Variants in CAPN15 observed in about 807,000 individuals in gnomAD.
CAPN15 encodes the protein calpain-15.
A neutral mutation model predicts 97.9 loss-of-function variants in CAPN15; 53 were observed. The ratio of observed to expected loss-of-function variants is 0.54; its 90% CI spans 0.43 to 0.68. CAPN15 has a LOEUF of 0.68. CAPN15 is among the 30% of genes least tolerant of loss of function. The probability of loss-of-function intolerance (pLI) is 0.00; values close to 1 mark genes in which losing one functional copy is unlikely to be tolerated. For synonymous variants in CAPN15, 922 were observed against 722.5 expected (o/e 1.28, Z -4.43); for missense variants, 1,592 against 1,589.8 (o/e 1.00, Z -0.02).
At chr16:529,280 C>T (rs552183123) in intron 1 of CAPN15, among the ~76,000 whole-genome samples, 3 of 152,292 alleles carry the variant, frequency 2.0e-5, no homozygotes, top group Admixed American at 6.5e-5. Context: ...TGGGCCTCCA[C>T]AGACCGTGGT....
chr16:552,854 T>C lies in CAPN15; in HGVS notation c.2905-9T>C. The C allele has an allele frequency of 6.9e-7, 1 of 1,455,852 alleles. No homozygotes were observed. The highest frequency in any genetic ancestry group is 9.3e-7 in the Non-Finnish European group (1 of 1,079,814). The allele number at this position is 1,455,852 out of a possible 1,614,324, so 90.2% of individuals were successfully genotyped here. On this transcript the variant is annotated splice_polypyrimidine_tract_variant and intron_variant, in intron 12 of 13. Coordinates refer to ENST00000219611, the MANE Select transcript of CAPN15 (RefSeq NM_005632.3). The surrounding 1 kb of genome is among the most constrained non-coding windows in gnomAD (Gnocchi z 6.4). ...TCCCCTGCCCCACAACTGCCATTCC[T>C]GTGCCCAGGGCCGTGAGGGCATGAC...
intron 3 of CAPN15, among the ~76,000 whole-genome samples, chr16:541,644 G>A (rs1346929949): frequency 1.3e-5 from 2 of 152,254 alleles, no homozygotes; most frequent in East Asian, 1.9e-4. Context: ...AAAGAGTGCA[G>A]TTTGGTCACT....
intron 7 of CAPN15, among the ~76,000 whole-genome samples, 180 bp downstream of exon 7, chr16:550,018 G>A (rs2034877663): frequency 6.6e-6 from 1 of 152,240 alleles, no homozygotes; most frequent in Non-Finnish European, 1.5e-5. Flanking sequence ...GGGCGGGGCT[G>A]GAGCTGGCCT....
chr16:544,228 C>A (rs904948952), intron 3 of CAPN15, among the ~76,000 whole-genome samples: 3 of 152,246 alleles, frequency 2.0e-5, no homozygotes, highest in Non-Finnish European at 2.9e-5. Context: ...CCATGGTATC[C>A]CCCGCCCTGG....
At position 548,002 on chromosome 16, in the gene CAPN15, G is replaced by T; in HGVS notation, c.1164G>T (p.Lys388Asn). ...ACTGCCCCGACTGTGGGGCCGACAA[G>T]CCCAGCCCCTGCGGCAGAAGCTGCG... The part of the protein sequence containing the change: ...PTHCPDCGAD[K>N]PSPCGRSCGR... The change falls in exon 4 of 14, where the codon AAG (lysine) becomes AAT (asparagine). Residue 388 changes from lysine (K) to asparagine (N), a missense_variant. Physicochemically the swap from Lys to Asn is moderately conservative, Grantham distance 94. This residue lies in a region of CAPN15 where 883 missense variants were observed against 776.6 expected (regional missense o/e 1.14). Coordinates refer to ENST00000219611, the MANE Select transcript of CAPN15 (RefSeq NM_005632.3). 1 of 1,579,350 alleles carries T rather than the reference G, an allele frequency of 6.3e-7. No individual in the cohort carries two copies. The highest frequency in any genetic ancestry group is 8.6e-7 in the Non-Finnish European group (1 of 1,164,712).
intron 7 of CAPN15, among the ~76,000 whole-genome samples, chr16:550,443 C>G (rs952831014): frequency 6.6e-5 from 10 of 152,252 alleles, no homozygotes; most frequent in Non-Finnish European, 1.3e-4. Flanking sequence ...TCCAGACCCT[C>G]CTGAACACTT....
rs1385776759 is a variant in CAPN15 at position 547,235 on chromosome 16, G to C, written c.397G>C (p.Glu133Gln). The C allele has an allele frequency of 1.3e-6, 2 of 1,518,916 alleles. No individual in the cohort carries two copies. The highest frequency in any genetic ancestry group is 4.8e-5 in the East Asian group (2 of 41,690). 94.1% of individuals were successfully genotyped at this position (1,518,916 alleles called of 1,614,324 possible). A position where few individuals can be genotyped will look rare whatever the true frequency, so the allele number is the denominator to read the frequency against. ...CEDKDEEEKE[E>Q]QEEEEGAAEP... ...GGACAAGGACGAGGAGGAGAAGGAGGAGCAGGAGGAGGAGGAGGGAGCGGC... is the reference window on the plus strand; with the variant it reads ...GGACAAGGACGAGGAGGAGAAGGAGCAGCAGGAGGAGGAGGAGGGAGCGGC... The change falls in exon 4 of 14, where the codon GAG (glutamate) becomes CAG (glutamine). Residue 133 changes from glutamate to glutamine, a missense_variant. Glu to Gln is a conservative substitution (Grantham distance 29). Transcript: ENST00000219611.
chr16:541,466 G>A (rs1260064677), intron 3 of CAPN15, among the ~76,000 whole-genome samples: 2 of 152,242 alleles, frequency 1.3e-5, no homozygotes, highest in African/African-American at 4.8e-5. Context: ...GAGGGGCCGT[G>A]TGGGGCCTGG....
intron 8 of CAPN15, 37 bp downstream of exon 8, chr16:551,464 G>A: frequency 6.2e-7 from 1 of 1,600,346 alleles, no homozygotes; most frequent in South Asian, 1.1e-5. Flanking sequence ...TGGGGTGCCG[G>A]TGAGACTCGG....
At position 535,817 on chromosome 16, in the gene CAPN15, G is replaced by T. The variant is rs1310193218; in HGVS notation, c.-136-212G>T. Reference sequence around the variant, plus strand: ...ACAGCCTGGCCCACAGCAGAGGCCCGGGGGGCACATGCAGCTCACGGGAGC... The same window carrying T: ...ACAGCCTGGCCCACAGCAGAGGCCCTGGGGGCACATGCAGCTCACGGGAGC... On this transcript the variant is annotated intron_variant, in intron 2 of 13. Coordinates refer to ENST00000219611, the MANE Select transcript of CAPN15 (RefSeq NM_005632.3). The surrounding 1 kb of genome is among the most constrained non-coding windows in gnomAD (Gnocchi z 6.2). Among the ~76,000 whole-genome samples the T allele has an allele frequency of 6.6e-6, 1 of 152,008 alleles. No individual in the cohort carries two copies. Among genetic ancestry groups the T allele is most frequent in the Non-Finnish European group, 1.5e-5 (1 of 67,960 alleles).
Position 547,215 on chromosome 16 carries a change from A to G in CAPN15, c.377A>G (p.Lys126Arg). The G allele has an allele frequency of 6.6e-7, 1 of 1,526,268 alleles. No homozygotes were observed. The highest frequency in any genetic ancestry group is 1.2e-5 in the South Asian group (1 of 80,290). 94.5% of individuals were successfully genotyped at this position (1,526,268 alleles called of 1,614,324 possible). ...CCCGCCAGGGGGCAGTGCGAGGACA[A>G]GGACGAGGAGGAGAAGGAGGAGCAG... ...TEPARGQCED[K>R]DEEEKEEQEE... is the part of the protein sequence containing the mutation. Residue 126 changes from lysine to arginine, a missense_variant, in exon 4 of 14, where the codon AAG (lysine) becomes AGG (arginine). Lys to Arg is a conservative substitution (Grantham distance 26, BLOSUM62 2). Around this residue, in one of 3 missense-constraint regions of CAPN15, gnomAD observed 883 missense variants for 776.6 expected, o/e 1.14. Coordinates refer to ENST00000219611, the MANE Select transcript of CAPN15 (RefSeq NM_005632.3).
At position 535,960 on chromosome 16, in the gene CAPN15, C is replaced by G. The variant is rs544940219; in HGVS notation, c.-136-69C>G. On this transcript the variant is annotated intron_variant, in intron 2 of 13. Coordinates refer to ENST00000219611, the MANE Select transcript of CAPN15 (RefSeq NM_005632.3). The surrounding 1 kb of genome is among the most constrained non-coding windows in gnomAD (Gnocchi z 6.2). ...GCGGGGGCCTCACCCTGCTGTCCCT[C>G]GGCCTGGCCTGGGCACACTCCTTGG... 1 of 407,924 alleles carries G rather than the reference C, an allele frequency of 2.5e-6. No individual in the cohort carries two copies. The highest frequency in any genetic ancestry group is 6.5e-5 in the Admixed American group (1 of 15,322). 25.3% of individuals were successfully genotyped at this position (407,924 alleles called of 1,614,324 possible). A position where few individuals can be genotyped will look rare whatever the true frequency, so the allele number is the denominator to read the frequency against.
rs1444253895 is a variant in CAPN15, at chr16:535,907, G to C, written c.-136-122G>C. ...GCAGCGGCCCAGGGCATGTCCCTGG[G>C]GTCAGGGGTCAGAGTTCGGCATGCT... On this transcript the variant is annotated intron_variant, in intron 2 of 13. Coordinates refer to ENST00000219611, the MANE Select transcript of CAPN15 (RefSeq NM_005632.3). This position sits in a 1 kb window ranked among gnomAD's most constrained non-coding sequence, Gnocchi z 6.2. The C allele has an allele frequency of 5.9e-6, 1 of 169,800 alleles. No individual in the cohort carries two copies. Among genetic ancestry groups the C allele is most frequent in the East Asian group, 1.9e-4 (1 of 5,262 alleles). The allele number at this position is 169,800 out of a possible 1,614,324, so 10.5% of individuals were successfully genotyped here.
At chr16:537,595 C>A in intron 3 of CAPN15, 1 of 272,056 alleles carries the variant, frequency 3.7e-6, no homozygotes, top group Non-Finnish European at 5.6e-6. Flanking sequence ...TCGCCGCTCC[C>A]ACCCAAGCCC....
rs1231699808 is a variant in CAPN15, at chr16:547,321, C to T, written c.483C>T (p.Ser161=). The T allele has an allele frequency of 6.5e-7, 1 of 1,533,930 alleles. No individual in the cohort carries two copies. Among genetic ancestry groups the T allele is most frequent in the South Asian group, 1.2e-5 (1 of 83,902 alleles). ...RCTLHNTPVA[S]SCSVCGGPRR... ...CGCTGCACAACACGCCCGTGGCCAG[C>T]TCCTGCTCCGTCTGCGGGGGCCCAC... is the stretch of plus-strand genomic sequence containing the variant. The change falls in exon 4 of 14, where the codon AGC becomes AGT. Residue 161 remains serine, a synonymous_variant. Transcript: ENST00000219611.
rs2034659292 is a variant in CAPN15 at position 547,320 on chromosome 16, G to C, written c.482G>C (p.Ser161Thr). The change falls in exon 4 of 14, where the codon AGC (serine) becomes ACC (threonine). Residue 161 changes from serine (S) to threonine (T), a missense_variant. Physicochemically the swap from Ser to Thr is moderately conservative, Grantham distance 58. This residue lies in a region of CAPN15 where 883 missense variants were observed against 776.6 expected (regional missense o/e 1.14). Coordinates refer to ENST00000219611, the MANE Select transcript of CAPN15 (RefSeq NM_005632.3). ...ACGCTGCACAACACGCCCGTGGCCA[G>C]CTCCTGCTCCGTCTGCGGGGGCCCA... ...RCTLHNTPVA[S>T]SCSVCGGPRR... The C allele has an allele frequency of 2.6e-6, 4 of 1,532,410 alleles. No homozygotes were observed. The South Asian group carries it at 4.8e-5, about 18-fold the overall frequency. 94.9% of individuals were successfully genotyped at this position (1,532,410 alleles called of 1,614,324 possible).
intron 3 of CAPN15, chr16:539,084 G>A (rs1198488014): frequency 6.6e-6 from 1 of 152,228 alleles, no homozygotes; most frequent in Non-Finnish European, 1.5e-5. Flanking sequence ...TTTCTATAAA[G>A]ACAGGGTCTC....
chr16:540,404 T>C (rs1043164402), intron 3 of CAPN15: 5 of 967,438 alleles, frequency 5.2e-6, no homozygotes, highest in Non-Finnish European at 6.1e-6. Context: ...CCCGGAGGGC[T>C]CCCGGGGGCA....
At chr16:549,921 C>T (rs2034870656) in intron 7 of CAPN15, 83 bp downstream of exon 7, 1 of 1,196,624 alleles carries the variant, frequency 8.4e-7, no homozygotes, top group African/African-American at 1.5e-5. Context: ...CTGGTGGCCC[C>T]TGACCCAGTT....
Sources: gnomAD v4.1 joint callset for allele counts (sites outside exome capture counted in the v4.1 genomes callset) on GRCh38, gnomAD v4.1.1 for gene constraint, gnomAD v4.1.1 regional missense constraint, Gnocchi (gnomAD v3.1) non-coding constraint, MANE v1.5 for transcripts, NCBI Gene and HGNC (gene_info 2026-07-23, HGNC 2026-07-21) for gene names.